The following LRIG3 variants were observed in gnomAD, a reference collection of about 807,000 sequenced individuals.
LRIG3 encodes leucine-rich repeats and immunoglobulin-like domains protein 3.
LRIG3 carries 76 observed loss-of-function variants against 114.5 expected under a neutral mutation model. The ratio of observed to expected loss-of-function variants is 0.66; its 90% confidence interval spans 0.55 to 0.80. The LOEUF (loss-of-function observed/expected upper bound fraction) is 0.80. Ranked by LOEUF, LRIG3 falls within the 30% of genes least tolerant of loss-of-function variation. The pLI, the probability that LRIG3 is intolerant of heterozygous loss-of-function variation, is 0.00. For missense variants in LRIG3, 1,239 were observed against 1,382.8 expected (o/e 0.90, Z 1.65); for synonymous variants, 512 against 519.8 (o/e 0.98, Z 0.20).
chr12:58,920,160 G>A lies in LRIG3; in HGVS notation c.76C>T (p.Arg26Trp). ...LLCAVLGRAG[R>W]SDSGGRGELG... ...TCCCCGCGACCGCCGCTGTCTGACC[G>A]GCCAGCGCGCCCCAGCACCGCGCAC... Residue 26 changes from arginine to tryptophan, a missense_variant, in exon 1 of 19, where the codon CGG becomes TGG. Coordinates refer to ENST00000320743, the MANE Select transcript of LRIG3 (RefSeq NM_153377.5). 1.3e-6 allele frequency: 2 copies of A among 1,540,692 alleles called. No individual in the cohort carries two copies. The highest frequency in any genetic ancestry group is 1.7e-6 in the Non-Finnish European group (2 of 1,145,992).
In LRIG3 at chr12:58,920,276, CGG is replaced by C; in HGVS notation, c.-43_-42del. The C allele has an allele frequency of 7.7e-7, 1 of 1,301,042 alleles. No individual in the cohort carries two copies. The highest frequency in any genetic ancestry group is 4.2e-5 in the Admixed American group (1 of 23,900). 80.6% of individuals were successfully genotyped at this position (1,301,042 alleles called of 1,614,324 possible). ...TAGGTCTCTACCCGAAGCTCCCAGC[CGG>C]CGCGCGCTCGGGGCCCGGCACAAAC... On this transcript the variant is annotated 5_prime_UTR_variant, in exon 1 of 19. Coordinates refer to ENST00000320743, the MANE Select transcript of LRIG3 (RefSeq NM_153377.5).
In LRIG3 at chr12:58,872,557, T is replaced by C. The variant is rs374448338; in HGVS notation, c.*15A>G. On this transcript the variant is annotated 3_prime_UTR_variant, in exon 19 of 19. Coordinates refer to ENST00000320743, the MANE Select transcript of LRIG3 (RefSeq NM_153377.5). Reference sequence around the variant, plus strand: ...TGAGGTAGTATGTTAAGCTTTTCCTTTGGTCTCATTCAGTCTATGTGTCCA... The same window carrying C: ...TGAGGTAGTATGTTAAGCTTTTCCTCTGGTCTCATTCAGTCTATGTGTCCA... The C allele has an allele frequency of 5.7e-6, 9 of 1,582,610 alleles. No individual in the cohort carries two copies. Among genetic ancestry groups the C allele is most frequent in the Non-Finnish European group, 6.9e-6 (8 of 1,162,456 alleles).
At chr12:58,886,279 T>C (rs1046959051) in intron 9 of LRIG3, among the ~76,000 whole-genome samples, 1 of 152,092 alleles carries the variant, frequency 6.6e-6, no homozygotes, top group Non-Finnish European at 1.5e-5. Flanking sequence ...ATACCTTCCA[T>C]CCATAGGAGT....
intron 3 of LRIG3, among the ~76,000 whole-genome samples, chr12:58,910,235 T>C (rs1872225338): frequency 6.6e-6 from 1 of 152,178 alleles, no homozygotes. Flanking sequence ...GATAAGAATA[T>C]TGCATATGTT....
In LRIG3 at chr12:58,886,752, T is replaced by A. The variant is rs371723781; in HGVS notation, c.1172+58A>T. ...TGTCAACTTGTATAGCTGACTTCAG[T>A]GAAGACAAAATTTTTAAATCAAAGA... On this transcript the variant is annotated intron_variant, in intron 9 of 18. Coordinates refer to ENST00000320743, the MANE Select transcript of LRIG3 (RefSeq NM_153377.5). 1.0e-5 allele frequency: 15 copies of A among 1,475,944 alleles called. No homozygotes were observed. The African/African-American group carries it at 1.7e-4, about 16-fold the overall frequency. The allele number at this position is 1,475,944 out of a possible 1,614,324, so 91.4% of individuals were successfully genotyped here. A position where few individuals can be genotyped will look rare whatever the true frequency, so the allele number is the denominator to read the frequency against.
At chr12:58,913,814 G>C in intron 3 of LRIG3, 168 bp downstream of exon 3, 1 of 581,474 alleles carries the variant, frequency 1.7e-6, no homozygotes, top group South Asian at 2.4e-5. Flanking sequence ...AGCAGTGAGA[G>C]AGTTAGAGGC....
In LRIG3 at chr12:58,890,719, C is replaced by G. The variant is rs752995327; in HGVS notation, c.461G>C (p.Ser154Thr). 15 of 1,606,784 alleles carry G rather than the reference C, an allele frequency of 9.3e-6. No homozygotes were observed. Among genetic ancestry groups the G allele is most frequent in the African/African-American group, 5.4e-5 (4 of 74,382 alleles). ...FQSLETLDLS[S>T]NNISELQTAF... Reference sequence around the variant, plus strand: ...AGTTTGGAGCTCTGAAATATTGTTGCTGCTAAGGTCCAAAGTTTCAAGGGA... The same window carrying G: ...AGTTTGGAGCTCTGAAATATTGTTGGTGCTAAGGTCCAAAGTTTCAAGGGA... Residue 154 changes from serine (S) to threonine (T), a missense_variant, in exon 4 of 19, where the codon AGC becomes ACC. By Grantham distance (58) the Ser-to-Thr change is moderately conservative. Coordinates refer to ENST00000320743, the MANE Select transcript of LRIG3 (RefSeq NM_153377.5).
At chr12:58,880,430 C>G (rs1871086351) in intron 13 of LRIG3, 151 bp downstream of exon 13, 1 of 821,374 alleles carries the variant, frequency 1.2e-6, no homozygotes, top group African/African-American at 1.7e-5. Context: ...AACCAAGAAT[C>G]TTAATTTTGT....
chr12:58,919,881 G>A, intron 1 of LRIG3, 119 bp downstream of exon 1: 1 of 1,047,010 alleles, frequency 9.6e-7, no homozygotes, highest in Admixed American at 2.3e-5. Flanking sequence ...CGCGGCCTGG[G>A]CCAGAAGGAG....
chr12:58,919,686 A>C lies in LRIG3; in HGVS notation c.236+314T>G, dbSNP rs1872601593. ...TGGGCCTGGCAGGAGCAAGCATTTGAACCCCTTGGCTAGCTTAGGGCGCAG... is the reference window on the plus strand; with the variant it reads ...TGGGCCTGGCAGGAGCAAGCATTTGCACCCCTTGGCTAGCTTAGGGCGCAG... On this transcript the variant is annotated intron_variant, in intron 1 of 18. Coordinates refer to ENST00000320743, the MANE Select transcript of LRIG3 (RefSeq NM_153377.5). 4 of 1,120,952 alleles carry C rather than the reference A, an allele frequency of 3.6e-6. No individual in the cohort carries two copies. The Admixed American group carries it at 8.4e-5, about 23-fold the overall frequency. The allele number at this position is 1,120,952 out of a possible 1,614,324, so 69.4% of individuals were successfully genotyped here. A position where few individuals can be genotyped will look rare whatever the true frequency, so the allele number is the denominator to read the frequency against.
rs572156981 is a variant in LRIG3, at chr12:58,902,208, C to T, written c.384-11412G>A. 4.6e-5 allele frequency among the ~76,000 whole-genome samples: 7 copies of T among 151,694 alleles called. No homozygotes were observed. In the East Asian group the frequency reaches 7.8e-4, roughly 17 times the overall value. ...AAGAGTACTGTCCTCTATCCTAGGT[C>T]GATACTTTGTGTGGGATCACAAAGC... On this transcript the variant is annotated intron_variant, in intron 3 of 18. Coordinates refer to ENST00000320743, the MANE Select transcript of LRIG3 (RefSeq NM_153377.5).
chr12:58,893,300 T>G (rs1871518281), intron 3 of LRIG3, among the ~76,000 whole-genome samples: 1 of 152,202 alleles, frequency 6.6e-6, no homozygotes, highest in Non-Finnish European at 1.5e-5. Flanking sequence ...GATTGTCTTT[T>G]TCCAACTTTA....
intron 1 of LRIG3, among the ~76,000 whole-genome samples, chr12:58,917,010 A>AGGCT (rs1381600082): frequency 6.6e-6 from 1 of 152,212 alleles, no homozygotes; most frequent in East Asian, 1.9e-4. Context: ...ACAAAAAGCC[A>AGGCT]GGCTATAGCT....
intron 15 of LRIG3, 32 bp downstream of exon 15, chr12:58,877,368 C>A: frequency 6.2e-7 from 1 of 1,600,464 alleles, no homozygotes; most frequent in South Asian, 1.1e-5. Flanking sequence ...CACATGACTC[C>A]GGTGACCTGT....
intron 15 of LRIG3, 43 bp downstream of exon 15, chr12:58,877,349 CCACAAATA>C (rs770245900): frequency 1.6e-5 from 25 of 1,570,610 alleles, no homozygotes; most frequent in Non-Finnish European, 2.1e-5. Context: ...ATTTGCAGAA[CCACAAATA>C]CACATGACTC....
At chr12:58,901,256 G>T (rs1336696868) in intron 3 of LRIG3, among the ~76,000 whole-genome samples, 1 of 152,146 alleles carries the variant, frequency 6.6e-6, no homozygotes, top group Non-Finnish European at 1.5e-5. Context: ...ATACAACATG[G>T]TACTTAAAAT....
intron 14 of LRIG3, 80 bp downstream of exon 14, chr12:58,878,744 C>A (rs563748648): frequency 2.0e-6 from 3 of 1,485,442 alleles, no homozygotes; most frequent in African/African-American, 2.8e-5. Context: ...ACTCTCACAA[C>A]TTCTGATACT....
At chr12:58,892,293 G>A (rs905005473) in intron 3 of LRIG3, among the ~76,000 whole-genome samples, 13 of 152,172 alleles carry the variant, frequency 8.5e-5, no homozygotes, top group African/African-American at 2.4e-4. Context: ...TTTACAACGC[G>A]AGAAACAATG....
intron 13 of LRIG3, among the ~76,000 whole-genome samples, 200 bp from the exon 14 acceptor site, chr12:58,879,305 A>G (rs1370835745): frequency 6.6e-6 from 1 of 152,260 alleles, no homozygotes; most frequent in Non-Finnish European, 1.5e-5. Context: ...GGTTACAGAT[A>G]CAGAAACAAT....
Sources: allele counts gnomAD v4.1 joint callset (sites outside exome capture counted in the v4.1 genomes callset), GRCh38; gene constraint gnomAD v4.1.1; transcripts MANE v1.5; gene names NCBI Gene and HGNC (gene_info 2026-07-23, HGNC 2026-07-21).